VWC2L: variants seen among roughly 807,000 people sequenced by gnomAD.
VWC2L encodes von Willebrand factor C domain-containing protein 2-like.
A neutral mutation model predicts 21.6 loss-of-function variants in VWC2L; 10 were observed. The ratio of observed to expected loss-of-function variants is 0.46; its 90% CI spans 0.29 to 0.78. The LOEUF is 0.78. VWC2L is among the 30% of genes least tolerant of loss of function. The pLI, the probability that VWC2L is intolerant of heterozygous loss-of-function variation, is 0.10. For synonymous variants in VWC2L, 96 were observed against 94.3 expected (o/e 1.02, Z -0.10); for missense variants, 209 against 277.1 (o/e 0.75, Z 1.74).
intron 3 of VWC2L, among the ~76,000 whole-genome samples, chr2:214,459,388 T>A (rs1454268119): frequency 6.6e-6 from 1 of 152,234 alleles, no homozygotes; most frequent in African/African-American, 2.4e-5. Context: ...GAAAATTTAA[T>A]CTATTTACAT....
intron 3 of VWC2L, among the ~76,000 whole-genome samples, chr2:214,458,318 T>C (rs1437734630): frequency 1.3e-5 from 2 of 152,102 alleles, no homozygotes; most frequent in African/African-American, 4.8e-5. Flanking sequence ...AGTGTCTTCT[T>C]TTTTTCATGG....
intron 2 of VWC2L, among the ~76,000 whole-genome samples, chr2:214,421,986 T>A (rs1702449987): frequency 7.2e-6 from 1 of 138,162 alleles, no homozygotes; most frequent in Non-Finnish European, 1.5e-5. Context: ...GCCTCCCGGG[T>A]TCACGCCATT....
intron 3 of VWC2L, among the ~76,000 whole-genome samples, chr2:214,508,571 T>C (rs1313958494): frequency 6.6e-6 from 1 of 152,244 alleles, no homozygotes; most frequent in East Asian, 1.9e-4. Context: ...TACATTTTCC[T>C]TCCTGTGTAA....
rs752740176 is a variant in VWC2L, at chr2:214,578,453, G to A, written c.*2633G>A. On this transcript the variant is annotated 3_prime_UTR_variant, in exon 4 of 4. Transcript: ENST00000312504. Reference sequence around the variant, plus strand: ...GATTTTTATGGTTGGTTTTGTTGTTGTTGGATTTTCTTTTTCTCAAAGTTT... The same window carrying A: ...GATTTTTATGGTTGGTTTTGTTGTTATTGGATTTTCTTTTTCTCAAAGTTT... 3 of 152,188 alleles carry A rather than the reference G, an allele frequency of 2.0e-5. No individual in the cohort carries two copies. Among genetic ancestry groups the A allele is most frequent in the Non-Finnish European group, 4.4e-5 (3 of 68,044 alleles). The allele number at this position is 152,188 out of a possible 1,614,324, so 9.4% of individuals were successfully genotyped here.
At chr2:214,491,475 G>A (rs7585040) in intron 3 of VWC2L, among the ~76,000 whole-genome samples, 1 of 152,200 alleles carries the variant, frequency 6.6e-6, no homozygotes, top group African/African-American at 2.4e-5. Context: ...GAGAAGGACA[G>A]TAAATTAAAG....
In VWC2L at chr2:214,414,140, G is replaced by T; in HGVS notation, c.-54G>T. 1 of 1,546,520 alleles carries T rather than the reference G, an allele frequency of 6.5e-7. No homozygotes were observed. Among genetic ancestry groups the T allele is most frequent in the Non-Finnish European group, 8.7e-7 (1 of 1,150,820 alleles). On this transcript the variant is annotated 5_prime_UTR_variant, in exon 2 of 4. In the 5' UTR this introduces an upstream ATG that the reference lacks. Coordinates refer to ENST00000312504, the MANE Select transcript of VWC2L (RefSeq NM_001080500.4). ...CTACCCCTCTTGTATTCCCATGGAA[G>T]GAGCTGAGTATATTTAATATTAGGA...
chr2:214,537,148 C>A (rs1381599751), intron 3 of VWC2L, among the ~76,000 whole-genome samples: 4 of 152,020 alleles, frequency 2.6e-5, no homozygotes, highest in Admixed American at 2.6e-4. Context: ...ACTGTCAAAC[C>A]TCGTGTGTCC....
In VWC2L at chr2:214,575,751, T is replaced by C; in HGVS notation, c.600T>C (p.Cys200=). The change falls in exon 4 of 4, where the codon TGT becomes TGC. Residue 200 remains cysteine, a synonymous_variant. Coordinates refer to ENST00000312504, the MANE Select transcript of VWC2L (RefSeq NM_001080500.4). ...TGGACGAATGTAACATCTGTCATTG[T>C]CACAACGGGGACTGGTGGAAGCCTG... The part of the protein sequence containing the change: ...VKVDECNICH[C]HNGDWWKPAQ... 1 of 1,613,556 alleles carries C rather than the reference T, an allele frequency of 6.2e-7. No homozygotes were observed. Among genetic ancestry groups the C allele is most frequent in the East Asian group, 2.2e-5 (1 of 44,862 alleles).
chr2:214,569,025 A>G (rs1259685527), intron 3 of VWC2L, among the ~76,000 whole-genome samples: 1 of 152,186 alleles, frequency 6.6e-6, no homozygotes, highest in Non-Finnish European at 1.5e-5. Flanking sequence ...TTTACTCTTT[A>G]TAAAGGATAA....
rs567574613 is a variant in VWC2L at position 214,513,521 on chromosome 2, G to A, written c.521-62151G>A. Among the ~76,000 whole-genome samples, 8 of 152,216 alleles carry A rather than the reference G, an allele frequency of 5.3e-5. 1 individual carries two copies. The highest frequency in any genetic ancestry group is 1.9e-4 in the African/African-American group (8 of 41,464). ...ATTCCATGCAAACATTCGTAACGTG[G>A]CAGAGAAGATTTTCACTATTGCTGT... is the stretch of plus-strand genomic sequence containing the variant. On this transcript the variant is annotated intron_variant, in intron 3 of 3. Coordinates refer to ENST00000312504, the MANE Select transcript of VWC2L (RefSeq NM_001080500.4).
chr2:214,453,781 C>T (rs1703011793), intron 3 of VWC2L, among the ~76,000 whole-genome samples: 1 of 148,826 alleles, frequency 6.7e-6, no homozygotes, highest in African/African-American at 2.5e-5. Context: ...AGTGCAGTGG[C>T]ACAATCTCAT....
chr2:214,519,229 A>G (rs1689193451), intron 3 of VWC2L, among the ~76,000 whole-genome samples: 1 of 152,154 alleles, frequency 6.6e-6, no homozygotes, highest in African/African-American at 2.4e-5. Flanking sequence ...TAGAATTCCC[A>G]CTTCTTACCC....
At chr2:214,454,308 A>G (rs2126185958) in intron 3 of VWC2L, among the ~76,000 whole-genome samples, 1 of 152,276 alleles carries the variant, frequency 6.6e-6, no homozygotes, top group Middle Eastern at 3.4e-3. Flanking sequence ...ATCCCATACA[A>G]CGTTGAATAG....
At chr2:214,537,734 A>G (rs1490125711) in intron 3 of VWC2L, among the ~76,000 whole-genome samples, 2 of 152,150 alleles carry the variant, frequency 1.3e-5, no homozygotes, top group Non-Finnish European at 2.9e-5. Context: ...ATCTGTCACA[A>G]AAATGTATGA....
At chr2:214,504,665 G>C (rs182742223) in intron 3 of VWC2L, among the ~76,000 whole-genome samples, 1 of 152,268 alleles carries the variant, frequency 6.6e-6, no homozygotes, top group East Asian at 1.9e-4. Flanking sequence ...GACGTGGCCC[G>C]CAGCATGAAC....
chr2:214,421,553 C>T (rs1196064986), intron 2 of VWC2L, among the ~76,000 whole-genome samples: 1 of 151,984 alleles, frequency 6.6e-6, no homozygotes, highest in African/African-American at 2.4e-5. Flanking sequence ...GCTTCTGTGC[C>T]GTGTGCACAT....
chr2:214,557,496 T>C (rs1272898437), intron 3 of VWC2L, among the ~76,000 whole-genome samples: 5 of 152,158 alleles, frequency 3.3e-5, no homozygotes. Flanking sequence ...TGCTGAGCTC[T>C]GATGGGAAAG....
intron 3 of VWC2L, among the ~76,000 whole-genome samples, chr2:214,487,355 T>C (rs1249154474): frequency 6.6e-6 from 1 of 151,854 alleles, no homozygotes; most frequent in African/African-American, 2.4e-5. Context: ...AAAAACCTAC[T>C]GTGCGCCAAG....
At chr2:214,472,589 A>G (rs1367550569) in intron 3 of VWC2L, among the ~76,000 whole-genome samples, 1 of 152,212 alleles carries the variant, frequency 6.6e-6, no homozygotes, top group Non-Finnish European at 1.5e-5. Context: ...CTTTGAATAC[A>G]AGAAATCTTG....
Sources: allele counts gnomAD v4.1 joint callset (sites outside exome capture counted in the v4.1 genomes callset), GRCh38; gene constraint gnomAD v4.1.1; transcripts MANE v1.5; gene names NCBI Gene and HGNC (gene_info 2026-07-23, HGNC 2026-07-21).